Variants in SASH1 observed in about 807,000 individuals in gnomAD.
SASH1 encodes the protein SAM and SH3 domain-containing protein 1.
A neutral mutation model predicts 125.2 loss-of-function variants in SASH1; 44 were observed. The observed-to-expected ratio is 0.35, with a 90% CI of 0.28 to 0.45. The LOEUF (loss-of-function observed/expected upper bound fraction) is 0.45. Among genes scored for constraint, SASH1 ranks in the 20% least tolerant of loss-of-function variants. The pLI, the probability that SASH1 is intolerant of heterozygous loss-of-function variation, is 1.00. For missense variants in SASH1, 1,426 were observed against 1,614.5 expected (o/e 0.88, Z 2.00); for synonymous variants, 639 against 649.1 (o/e 0.98, Z 0.24).
At chr6:148,403,622 C>T (rs1784265040) in intron 2 of SASH1, among the ~76,000 whole-genome samples, 1 of 152,164 alleles carries the variant, frequency 6.6e-6, no homozygotes, top group Admixed American at 6.5e-5. Context: ...CCTCTTCCTC[C>T]TGGGTGCAAG....
At chr6:148,486,717 C>G (rs1778860668) in intron 7 of SASH1, among the ~76,000 whole-genome samples, 1 of 146,856 alleles carries the variant, frequency 6.8e-6, no homozygotes, top group Admixed American at 6.8e-5. Context: ...GATTTTGAGA[C>G]CAGCCTGGGC....
chr6:148,346,487 C>CA (rs71688552), intron 1 of SASH1, among the ~76,000 whole-genome samples: 19,020 of 139,304 alleles, frequency 0.14, 1,511 homozygotes, highest in African/African-American at 0.23. Flanking sequence ...AACAAGCTTG[C>CA]AAAAAAAAAA....
chr6:148,323,472 A>G (rs1475130114), intron 1 of SASH1, among the ~76,000 whole-genome samples: 1 of 152,122 alleles, frequency 6.6e-6, no homozygotes, highest in Non-Finnish European at 1.5e-5. Flanking sequence ...TCTTGTCTCC[A>G]TTGGTGATTT....
intron 2 of SASH1, among the ~76,000 whole-genome samples, chr6:148,417,361 C>A (rs112233790): frequency 4.1e-4 from 62 of 152,062 alleles, no homozygotes; most frequent in African/African-American, 1.5e-3. Context: ...GTGAAGCGGG[C>A]GGATCACAAG....
the SASH1 span, among the ~76,000 whole-genome samples, chr6:148,264,176 C>CAAA: frequency 1.8e-3 from 94 of 52,376 alleles, 2 homozygotes; most frequent in Middle Eastern, 0.015. Context: ...TTATTTTGAC[C>CAAA]GAAAAAAAAA....
At chr6:148,290,735 CGGAAGG>C (rs1779610004) in intron 1 of SASH1, among the ~76,000 whole-genome samples, 2 of 149,092 alleles carry the variant, frequency 1.3e-5, no homozygotes, top group Non-Finnish European at 3.0e-5. Context: ...CTGCGGAAGG[CGGAAGG>C]CGGCAGGGCC....
chr6:148,320,365 G>A (rs1031209806), intron 1 of SASH1, among the ~76,000 whole-genome samples: 17 of 152,316 alleles, frequency 1.1e-4, no homozygotes, highest in African/African-American at 3.8e-4. Context: ...CCTTGATAGC[G>A]GCACCGCTTC....
intron 1 of SASH1, among the ~76,000 whole-genome samples, chr6:148,282,675 C>T (rs931282653): frequency 2.6e-5 from 4 of 152,256 alleles, no homozygotes; most frequent in Middle Eastern, 3.4e-3. Context: ...CCACCACGCC[C>T]AGCCTCAGGA....
chr6:148,319,634 G>A (rs1460324456), intron 1 of SASH1, among the ~76,000 whole-genome samples: 1 of 151,306 alleles, frequency 6.6e-6, no homozygotes, highest in African/African-American at 2.4e-5. Context: ...CCAGCCTCAG[G>A]CTCCCGAGTA....
intron 4 of SASH1, among the ~76,000 whole-genome samples, chr6:148,444,105 C>T (rs1215878145): frequency 2.0e-5 from 3 of 152,150 alleles, no homozygotes; most frequent in South Asian, 2.1e-4. Flanking sequence ...AAGGAGGCAG[C>T]GTGGAAGCTG....
intron 1 of SASH1, 132 bp downstream of exon 1, chr6:148,343,355 T>C: frequency 1.3e-6 from 1 of 757,164 alleles, no homozygotes; most frequent in South Asian, 2.0e-5. Context: ...CTCTAGTTCT[T>C]AGGGGGCTAA....
chr6:148,335,192 C>T (rs1364113307), intron 1 of SASH1, among the ~76,000 whole-genome samples: 6 of 141,378 alleles, frequency 4.2e-5, no homozygotes, highest in African/African-American at 7.9e-5. Flanking sequence ...TAGCTACTTG[C>T]GAGGCTGAGG....
At position 148,531,065 on chromosome 6, in the gene SASH1, A is replaced by AT. The variant is rs199698614; in HGVS notation, c.1429-451dup. On this transcript the variant is annotated intron_variant, in intron 12 of 19. Transcript: ENST00000367467. The stretch of plus-strand genomic sequence containing the variant: ...AAATAGAAATATAAGAATCTAGCCA[A>AT]TTTTTTTTTTCCAGGAATACACTTT... 1.6e-3 allele frequency among the ~76,000 whole-genome samples: 237 copies of AT among 150,652 alleles called. 1 individual carries two copies. Among genetic ancestry groups the AT allele is most frequent in the African/African-American group, 3.7e-3 (154 of 41,112 alleles).
At chr6:148,221,873 C>G in the SASH1 span, among the ~76,000 whole-genome samples, 35,725 of 152,152 alleles carry the variant, frequency 0.23, 4,438 homozygotes, top group African/African-American at 0.3. Flanking sequence ...ATTCCTTTCC[C>G]TGCGGGTCAC....
intron 2 of SASH1, chr6:148,393,574 A>C (rs1416172944): frequency 4.9e-6 from 2 of 404,704 alleles, no homozygotes; most frequent in African/African-American, 4.3e-5. Flanking sequence ...GGCAGCTTCT[A>C]GGTAGGAGAG....
At chr6:148,322,991 TTC>T (rs1185804560) in intron 1 of SASH1, among the ~76,000 whole-genome samples, 4 of 126,652 alleles carry the variant, frequency 3.2e-5, no homozygotes, top group Admixed American at 1.7e-4. Flanking sequence ...CCCTTTCTCT[TTC>T]TCTCTCTCTC....
At chr6:148,433,859 T>C (rs1388192220) in intron 2 of SASH1, among the ~76,000 whole-genome samples, 2 of 151,998 alleles carry the variant, frequency 1.3e-5, no homozygotes, top group African/African-American at 2.4e-5. Flanking sequence ...AAAAAATATA[T>C]GAATAATTTG....
intron 16 of SASH1, among the ~76,000 whole-genome samples, chr6:148,539,545 C>T (rs1355062076): frequency 6.6e-6 from 1 of 152,170 alleles, no homozygotes; most frequent in Non-Finnish European, 1.5e-5. Context: ...CTTTCCTTTT[C>T]ATGGCCAAGT....
intron 1 of SASH1, among the ~76,000 whole-genome samples, chr6:148,363,298 ATTTT>A (rs1229802359): frequency 3.3e-5 from 5 of 151,404 alleles, no homozygotes; most frequent in African/African-American, 1.2e-4. Flanking sequence ...GCTCTTCTTT[ATTTT>A]TTTTATTTAT....
Sources: gnomAD v4.1 joint callset for allele counts (sites outside exome capture counted in the v4.1 genomes callset) on GRCh38, gnomAD v4.1.1 for gene constraint, MANE v1.5 for transcripts, NCBI Gene and HGNC (gene_info 2026-07-23, HGNC 2026-07-21) for gene names.